The following NRG4 variants were observed in gnomAD, a reference collection of about 807,000 sequenced individuals.
NRG4 encodes neuregulin 4.
A neutral mutation model predicts 15.0 loss-of-function variants in NRG4; 10 were observed. The ratio of observed to expected loss-of-function variants is 0.67; its 90% CI spans 0.41 to 1.13. NRG4 has a LOEUF of 1.13. Ranked by LOEUF, NRG4 falls within the 50% of genes most tolerant of loss-of-function variation. The pLI is 0.00. For missense variants in NRG4, 139 were observed against 140.2 expected (o/e 0.99, Z 0.04); for synonymous variants, 41 against 50.1 (o/e 0.82, Z 0.77).
chr15:76,032,527 TG>T (rs1485003651), intron 5 of NRG4, among the ~76,000 whole-genome samples: 1 of 152,232 alleles, frequency 6.6e-6, no homozygotes, highest in African/African-American at 2.4e-5. Flanking sequence ...GATCACAACT[TG>T]TCAGTATGTG....
At chr15:75,978,418 T>C (rs142852612) in intron 3 of NRG4, among the ~76,000 whole-genome samples, 2 of 152,340 alleles carry the variant, frequency 1.3e-5, no homozygotes, top group East Asian at 3.9e-4. Flanking sequence ...ATTGTGTCTA[T>C]ACCTACATTT....
intron 3 of NRG4, among the ~76,000 whole-genome samples, chr15:75,999,299 C>G (rs1304216517): frequency 6.6e-6 from 1 of 152,116 alleles, no homozygotes. Flanking sequence ...TGGGTAGGTG[C>G]TATGTATCCC....
chr15:76,038,730 T>C lies in NRG4; in HGVS notation c.-104-2739A>G, dbSNP rs190478029. The stretch of plus-strand genomic sequence containing the variant: ...CACAAGCCTGGTTGGCTTCACTAGA[T>C]GCTGACTGTAGAGCCCTAGGGCTTT... On this transcript the variant is annotated intron_variant, in intron 4 of 8. Coordinates refer to the NRG4 transcript ENST00000563910. Among the ~76,000 whole-genome samples, 46 of 152,264 alleles carry C rather than the reference T, an allele frequency of 3.0e-4. No individual in the cohort carries two copies. In the Middle Eastern group the frequency reaches 0.01, roughly 34 times the overall value.
chr15:76,044,154 C>T (rs936243049), intron 4 of NRG4, among the ~76,000 whole-genome samples: 6 of 150,044 alleles, frequency 4.0e-5, no homozygotes, highest in African/African-American at 1.3e-4. Context: ...CCCGCCACCG[C>T]GCCCGGCTAA....
chr15:76,041,379 A>AAAAC (rs139297527), intron 4 of NRG4, among the ~76,000 whole-genome samples: 5,592 of 152,106 alleles, frequency 0.037, 173 homozygotes, highest in African/African-American at 0.085. Context: ...AATGGATAAG[A>AAAAC]AAACAAACAA....
chr15:75,995,103 G>C (rs1431912284), intron 3 of NRG4, among the ~76,000 whole-genome samples: 1 of 151,934 alleles, frequency 6.6e-6, no homozygotes, highest in Non-Finnish European at 1.5e-5. Flanking sequence ...TGGGAGGATT[G>C]CTTGAACCAG....
At chr15:76,027,483 GAATAT>G (rs1425161801) in intron 5 of NRG4, among the ~76,000 whole-genome samples, 13 of 142,048 alleles carry the variant, frequency 9.2e-5, no homozygotes, top group African/African-American at 3.5e-4. Context: ...TTCAGCAAGA[GAATAT>G]AACAGTCAAA....
intron 4 of NRG4, among the ~76,000 whole-genome samples, 180 bp from the exon 5 acceptor site, chr15:75,956,191 T>C (rs888027868): frequency 2.3e-4 from 35 of 152,264 alleles, no homozygotes; most frequent in African/African-American, 7.9e-4. Flanking sequence ...CTACCTGAAA[T>C]TGTCAGTGAT....
upstream of NRG4, among the ~76,000 whole-genome samples, chr15:76,013,063 ATAAT>A (rs141411821): frequency 6.9e-3 from 1,052 of 152,346 alleles, 15 homozygotes; most frequent in African/African-American, 0.023. Context: ...TCTTCATCAT[ATAAT>A]TATCTAAAAT....
At chr15:76,054,874 A>G (rs760210521) in intron 2 of NRG4, among the ~76,000 whole-genome samples, 13 of 152,266 alleles carry the variant, frequency 8.5e-5, no homozygotes, top group Non-Finnish European at 1.9e-4. Flanking sequence ...GTTTGTTTGC[A>G]GTACTAAATA....
chr15:75,947,450 G>A (rs1257450471), intron 5 of NRG4, among the ~76,000 whole-genome samples: 1 of 152,142 alleles, frequency 6.6e-6, no homozygotes, highest in African/African-American at 2.4e-5. Flanking sequence ...AGGGTGTCCT[G>A]TCTATTCTGC....
At chr15:76,021,452 G>C (rs1198746500) in intron 5 of NRG4, among the ~76,000 whole-genome samples, 1 of 152,162 alleles carries the variant, frequency 6.6e-6, no homozygotes. Context: ...AAAAATTTGT[G>C]TGACTCACTT....
intron 2 of NRG4, among the ~76,000 whole-genome samples, 190 bp from the exon 3 acceptor site, chr15:76,009,483 A>T (rs573144979): frequency 1.9e-4 from 29 of 152,310 alleles, no homozygotes; most frequent in African/African-American, 6.3e-4. Context: ...TCTTTGAGAG[A>T]AAAATTATGT....
At chr15:75,963,170 T>G (rs1011133646) in intron 3 of NRG4, among the ~76,000 whole-genome samples, 3 of 152,168 alleles carry the variant, frequency 2.0e-5, no homozygotes, top group African/African-American at 7.2e-5. Context: ...TAAAGATGTT[T>G]CATGAACTTC....
At chr15:75,950,997 T>TATCTTCTAGA (rs2031849526) in intron 5 of NRG4, 3 of 171,216 alleles carry the variant, frequency 1.8e-5, no homozygotes, top group Admixed American at 5.7e-5. Flanking sequence ...TCTGAGACAT[T>TATCTTCTAGA]ATCTTCTAGA....
chr15:76,041,074 A>G (rs1872995673), intron 4 of NRG4, among the ~76,000 whole-genome samples: 1 of 152,206 alleles, frequency 6.6e-6, no homozygotes, highest in South Asian at 2.1e-4. Context: ...CTATGCAATC[A>G]GTGTTAAGTT....
chr15:75,993,972 A>C (rs544158422), intron 3 of NRG4, among the ~76,000 whole-genome samples: 35 of 152,244 alleles, frequency 2.3e-4, no homozygotes, highest in African/African-American at 8.4e-4. Flanking sequence ...GCTAATTGCA[A>C]TATTTGGCTC....
At chr15:76,006,182 A>C (rs1394957161) in intron 3 of NRG4, among the ~76,000 whole-genome samples, 2 of 152,198 alleles carry the variant, frequency 1.3e-5, no homozygotes, top group Admixed American at 6.5e-5. Context: ...AGATACAGCA[A>C]AGGTAGAAAT....
intron 4 of NRG4, among the ~76,000 whole-genome samples, chr15:76,038,784 G>A (rs747306932): frequency 1.4e-4 from 21 of 151,962 alleles, no homozygotes; most frequent in Non-Finnish European, 3.1e-4. Context: ...GCCAGGTACT[G>A]GTTACAGCAG....
Sources: allele counts gnomAD v4.1 joint callset (sites outside exome capture counted in the v4.1 genomes callset), GRCh38; gene constraint gnomAD v4.1.1; transcripts MANE v1.5; gene names NCBI Gene and HGNC (gene_info 2026-07-23, HGNC 2026-07-21).